SLC39A8: variants seen among roughly 807,000 people sequenced by gnomAD.
SLC39A8 encodes metal cation symporter ZIP8.
SLC39A8 carries 15 observed loss-of-function variants against 40.4 expected under a neutral mutation model. The ratio of observed to expected loss-of-function variants is 0.37; its 90% CI spans 0.25 to 0.57. SLC39A8 has a LOEUF of 0.57. SLC39A8 is among the 20% of genes least tolerant of loss of function. The probability of loss-of-function intolerance (pLI) is 0.75; values close to 1 mark genes in which losing one functional copy is unlikely to be tolerated. For synonymous variants in SLC39A8, 223 were observed against 221.6 expected (o/e 1.01, Z -0.06); for missense variants, 472 against 558.8 (o/e 0.84, Z 1.57).
At chr4:102,283,894 T>G (rs960681894) in intron 6 of SLC39A8, among the ~76,000 whole-genome samples, 1 of 152,200 alleles carries the variant, frequency 6.6e-6, no homozygotes, top group Non-Finnish European at 1.5e-5. Context: ...CTGAACTGTT[T>G]CCTACCATAG....
At chr4:102,267,199 A>ACC (rs1392616693) in intron 8 of SLC39A8, among the ~76,000 whole-genome samples, 1 of 151,202 alleles carries the variant, frequency 6.6e-6, no homozygotes, top group East Asian at 1.9e-4. Flanking sequence ...AGATGTACCA[A>ACC]CCACAAGGGG....
chr4:102,297,763 A>T lies in SLC39A8; in HGVS notation c.840+6554T>A, dbSNP rs1156681196. On this transcript the variant is annotated intron_variant, in intron 6 of 8. Transcript: ENST00000356736. ...AAGACCCCATTTCTACACAAAAAAA[A>T]TTTAGTTAGCCAGGCATGGTGGCAT... Among the ~76,000 whole-genome samples the T allele has an allele frequency of 3.3e-5, 5 of 152,064 alleles. No homozygotes were observed. In the South Asian group the frequency reaches 6.2e-4, roughly 19 times the overall value.
At position 102,261,977 on chromosome 4, in the gene SLC39A8, C is replaced by T; in HGVS notation, c.*1067G>A. 8 of 985,674 alleles carry T rather than the reference C, an allele frequency of 8.1e-6. No individual in the cohort carries two copies. Among genetic ancestry groups the T allele is most frequent in the Non-Finnish European group, 9.6e-6 (8 of 829,852 alleles). The allele number at this position is 985,674 out of a possible 1,614,324, so 61.1% of individuals were successfully genotyped here. ...TCTTTTATAAAAGGTAGAAAAATAA[C>T]CATGGTGTGCTAATTTTTTTCAAGG... On this transcript the variant is annotated 3_prime_UTR_variant, in exon 9 of 9. Transcript: ENST00000356736.
Position 102,262,887 on chromosome 4 carries a change from G to C in SLC39A8, c.*157C>G. ...GAAGCATTTTTAACAACAAATAATGGACTATTTCACAGACTGATGCCAATA... is the reference window on the plus strand; with the variant it reads ...GAAGCATTTTTAACAACAAATAATGCACTATTTCACAGACTGATGCCAATA... On this transcript the variant is annotated 3_prime_UTR_variant, in exon 9 of 9. Coordinates refer to ENST00000356736, the MANE Select transcript of SLC39A8 (RefSeq NM_001135146.2). 7.2e-7 allele frequency: 1 copy of C among 1,379,358 alleles called. No individual in the cohort carries two copies. The allele number at this position is 1,379,358 out of a possible 1,614,324, so 85.4% of individuals were successfully genotyped here.
At chr4:102,264,785 AC>A (rs1475869966) in intron 8 of SLC39A8, among the ~76,000 whole-genome samples, 1 of 152,174 alleles carries the variant, frequency 6.6e-6, no homozygotes, top group Non-Finnish European at 1.5e-5. Flanking sequence ...TTCACCTGAC[AC>A]TTTTATGTCA....
At chr4:102,286,268 C>G (rs72692219) in intron 6 of SLC39A8, among the ~76,000 whole-genome samples, 45,635 of 151,994 alleles carry the variant, frequency 0.3, 7,466 homozygotes, top group East Asian at 0.41. Context: ...ATTATTGGTT[C>G]ATTTTTCAAG....
intron 3 of SLC39A8, 86 bp downstream of exon 3, chr4:102,315,582 T>C (rs1472825419): frequency 2.7e-5 from 32 of 1,185,058 alleles, no homozygotes; most frequent in Non-Finnish European, 3.6e-5. Context: ...TTAAAAGCAA[T>C]AAAGCAGAAA....
At chr4:102,303,154 T>G (rs545151645) in intron 6 of SLC39A8, among the ~76,000 whole-genome samples, 121 of 152,094 alleles carry the variant, frequency 8.0e-4, no homozygotes, top group Non-Finnish European at 4.4e-5. Flanking sequence ...TTTTATATCA[T>G]GTTTAACTAT....
chr4:102,260,387 T>C (rs986253750), downstream of SLC39A8, among the ~76,000 whole-genome samples: 13 of 152,228 alleles, frequency 8.5e-5, no homozygotes, highest in Admixed American at 3.3e-4. Context: ...ATTCTGGTCA[T>C]TGAATACAAG....
rs1228646611 is a variant in SLC39A8 at position 102,328,363 on chromosome 4, C to T, written c.220-12533G>A. 3.3e-5 allele frequency among the ~76,000 whole-genome samples: 5 copies of T among 149,388 alleles called. No homozygotes were observed. In the South Asian group the frequency reaches 8.4e-4, roughly 25 times the overall value. On this transcript the variant is annotated intron_variant, in intron 2 of 8. Coordinates refer to ENST00000356736, the MANE Select transcript of SLC39A8 (RefSeq NM_001135146.2). ...TGTTTTTTTTTTTTTAATTCATTGT[C>T]GGCAACAAAAAATGGAATTGCTGGT...
Position 102,315,813 on chromosome 4 carries a change from C to G in SLC39A8, c.237G>C (p.Glu79Asp). Residue 79 changes from glutamate (E) to aspartate (D), a missense_variant, in exon 3 of 9, where the codon GAG becomes GAC. Coordinates refer to ENST00000356736, the MANE Select transcript of SLC39A8 (RefSeq NM_001135146.2). ...TTGAAAAGCCATGAAGGGAAAAGAT[C>G]TCTTCAGCAGTTAAACACTGAAATA... ...LHFNQCLTAE[E>D]IFSLHGFSNA... 3.1e-6 allele frequency: 5 copies of G among 1,612,016 alleles called. No individual in the cohort carries two copies. Among genetic ancestry groups the G allele is most frequent in the Non-Finnish European group, 3.4e-6 (4 of 1,179,036 alleles).
At chr4:102,254,013 C>T (rs1449803880) in intron 11 of SLC39A8, among the ~76,000 whole-genome samples, 1 of 152,138 alleles carries the variant, frequency 6.6e-6, no homozygotes, top group East Asian at 1.9e-4. Context: ...AGAGTTCCAG[C>T]TCAAGTTAAA....
chr4:102,308,757 GA>G, intron 3 of SLC39A8, among the ~76,000 whole-genome samples: 1 of 152,246 alleles, frequency 6.6e-6, no homozygotes, highest in Middle Eastern at 3.4e-3. Flanking sequence ...ACTGTCAGTG[GA>G]GTACACTAGT....
intron 6 of SLC39A8, among the ~76,000 whole-genome samples, chr4:102,291,016 C>T (rs530977380): frequency 3.3e-5 from 5 of 152,074 alleles, no homozygotes; most frequent in Admixed American, 1.3e-4. Context: ...CTCTTTTGAA[C>T]GTTCAACCTC....
intron 11 of SLC39A8, among the ~76,000 whole-genome samples, chr4:102,256,001 C>A (rs1731701165): frequency 6.6e-6 from 1 of 152,118 alleles, no homozygotes; most frequent in African/African-American, 2.4e-5. Context: ...AAGATTTTTT[C>A]ATGGAAACAC....
At chr4:102,302,496 C>T (rs1034063917) in intron 6 of SLC39A8, among the ~76,000 whole-genome samples, 1 of 151,986 alleles carries the variant, frequency 6.6e-6, no homozygotes, top group East Asian at 1.9e-4. Context: ...AATAATATAT[C>T]CTCAGAAAGC....
intron 2 of SLC39A8, among the ~76,000 whole-genome samples, chr4:102,320,456 A>G: frequency 1.0e-5 from 1 of 96,288 alleles, no homozygotes; most frequent in Non-Finnish European, 2.1e-5. Context: ...ATATGAGAGT[A>G]TATATACATA....
chr4:102,256,046 C>T (rs577176791), intron 11 of SLC39A8, among the ~76,000 whole-genome samples: 1 of 152,178 alleles, frequency 6.6e-6, no homozygotes, highest in Non-Finnish European at 1.5e-5. Context: ...CCATATGAAG[C>T]ACCTTCCTCC....
chr4:102,265,233 A>G (rs1208057342), intron 8 of SLC39A8, among the ~76,000 whole-genome samples: 1 of 152,150 alleles, frequency 6.6e-6, no homozygotes, highest in African/African-American at 2.4e-5. Flanking sequence ...AGGCCACTGT[A>G]GGATTATTAA....
Sources: allele counts gnomAD v4.1 joint callset (sites outside exome capture counted in the v4.1 genomes callset), GRCh38; gene constraint gnomAD v4.1.1; transcripts MANE v1.5; gene names NCBI Gene and HGNC (gene_info 2026-07-23, HGNC 2026-07-21).